KAT6A: variants seen among roughly 807,000 people sequenced by gnomAD.
KAT6A encodes the protein lysine acetyltransferase 6A.
Under a neutral mutation model 198.4 loss-of-function variants are expected in KAT6A, and 9 were observed. The observed-to-expected ratio is 0.05, with a 90% CI of 0.03 to 0.08. KAT6A has a LOEUF of 0.08. Ranked by LOEUF, KAT6A falls within the 10% of genes least tolerant of loss-of-function variation. KAT6A has a pLI of 1.00. For missense variants in KAT6A, 2,077 were observed against 2,509.9 expected (o/e 0.83, Z 3.69); for synonymous variants, 890 against 883.0 (o/e 1.01, Z -0.14).
At chr8:42,032,783 G>C (rs1270418552) in intron 2 of KAT6A, among the ~76,000 whole-genome samples, 1 of 151,100 alleles carries the variant, frequency 6.6e-6, no homozygotes, top group Non-Finnish European at 1.5e-5. Flanking sequence ...CTAAAAAAGT[G>C]ACAACAGTTG....
At chr8:41,985,634 C>G (rs1425823967) in intron 3 of KAT6A, among the ~76,000 whole-genome samples, 4 of 152,192 alleles carry the variant, frequency 2.6e-5, no homozygotes, top group Non-Finnish European at 5.9e-5. Flanking sequence ...GGACTCCCCC[C>G]TGCTTGCACC....
intron 11 of KAT6A, 97 bp from the exon 12 acceptor site, chr8:41,946,781 C>T (rs1587727220): frequency 1.4e-6 from 1 of 720,296 alleles, no homozygotes; most frequent in East Asian, 2.7e-5. Flanking sequence ...AAACCCACAG[C>T]CCTGGTCCTT....
At chr8:41,941,547 A>T in intron 14 of KAT6A, 103 bp from the exon 15 acceptor site, 3 of 1,197,962 alleles carry the variant, frequency 2.5e-6, no homozygotes, top group Non-Finnish European at 3.4e-6. Context: ...AAGGAAACTG[A>T]GCTTTAAAAA....
At chr8:41,952,995 T>A (rs1044752131) in intron 9 of KAT6A, among the ~76,000 whole-genome samples, 3 of 152,184 alleles carry the variant, frequency 2.0e-5, no homozygotes, top group Admixed American at 6.5e-5. Context: ...CTTAAGGAAG[T>A]TGATGAATTT....
In KAT6A at chr8:41,932,574, A is replaced by G. The variant is rs755646457; in HGVS notation, c.5646T>C (p.Val1882=). 1.2e-6 allele frequency: 2 copies of G among 1,614,246 alleles called. No individual in the cohort carries two copies. The highest frequency in any genetic ancestry group is 1.1e-5 in the South Asian group (1 of 91,082). The change falls in exon 17 of 17, where the codon GTT becomes GTC. Residue 1882 remains valine (V), a synonymous_variant. Coordinates refer to ENST00000265713, the MANE Select transcript of KAT6A (RefSeq NM_006766.5). ...QQLYGRSPSA[V]AMQAGPRALA... is the part of the protein sequence containing the mutation. ...GTGCGCGAGGGCCAGCCTGCATGGC[A>G]ACTGCCGATGGGCTACGGCCATACA...
At chr8:41,960,463 C>T (rs554262782) in intron 8 of KAT6A, among the ~76,000 whole-genome samples, 37 of 145,490 alleles carry the variant, frequency 2.5e-4, no homozygotes, top group South Asian at 1.3e-3. Context: ...GCCAAGATGA[C>T]GCCGCTGTAC....
At chr8:41,954,661 GAAGT>G (rs1412055219) in intron 9 of KAT6A, among the ~76,000 whole-genome samples, 9 of 152,104 alleles carry the variant, frequency 5.9e-5, no homozygotes, top group South Asian at 2.1e-4. Context: ...ATATCCCCAC[GAAGT>G]AAGTACTATT....
intron 2 of KAT6A, among the ~76,000 whole-genome samples, chr8:42,019,270 C>A (rs1826415456): frequency 6.6e-6 from 1 of 152,102 alleles, no homozygotes; most frequent in South Asian, 2.1e-4. Context: ...TTTTTATATA[C>A]AACTCCAAGA....
chr8:41,975,518 G>A (rs1364452890), intron 7 of KAT6A, among the ~76,000 whole-genome samples: 1 of 152,136 alleles, frequency 6.6e-6, no homozygotes, highest in African/African-American at 2.4e-5. Context: ...ATTGGTGACA[G>A]TTCTCAAGTC....
At chr8:41,950,141 A>C (rs1241577878) in intron 9 of KAT6A, among the ~76,000 whole-genome samples, 1 of 152,214 alleles carries the variant, frequency 6.6e-6, no homozygotes, top group Admixed American at 6.5e-5. Flanking sequence ...TAGAGTCAAG[A>C]AGCAGGAGCT....
At chr8:41,939,003 A>G (rs77717319) in intron 15 of KAT6A, among the ~76,000 whole-genome samples, 15,475 of 151,230 alleles carry the variant, frequency 0.1, 1,036 homozygotes, top group East Asian at 0.24. Context: ...GAGGGAAACT[A>G]AAAGAAGGAG....
At position 41,946,581 on chromosome 8, in the gene KAT6A, T is replaced by C. The variant is rs750972306; in HGVS notation, c.1996+10A>G. On this transcript the variant is annotated intron_variant, in intron 12 of 16. Coordinates refer to ENST00000265713, the MANE Select transcript of KAT6A (RefSeq NM_006766.5). ...GGAAAAGACCAATGAGAAATTAATA[T>C]AATCCTTACTGAAATCGATGAGAAA... The C allele has an allele frequency of 7.0e-7, 1 of 1,430,618 alleles. No homozygotes were observed. Among genetic ancestry groups the C allele is most frequent in the Non-Finnish European group, 9.8e-7 (1 of 1,015,268 alleles). The allele number at this position is 1,430,618 out of a possible 1,614,324, so 88.6% of individuals were successfully genotyped here.
At chr8:41,944,791 A>T (rs6474374) in intron 12 of KAT6A, among the ~76,000 whole-genome samples, 3,326 of 152,310 alleles carry the variant, frequency 0.022, 117 homozygotes, top group African/African-American at 0.076. Flanking sequence ...CATATATAAC[A>T]TGTCTAATCA....
chr8:42,002,078 T>A (rs1379473195), intron 2 of KAT6A, among the ~76,000 whole-genome samples: 7 of 152,206 alleles, frequency 4.6e-5, no homozygotes, highest in Non-Finnish European at 1.0e-4. Flanking sequence ...GAGAACTTAA[T>A]CACAAGCACT....
intron 3 of KAT6A, among the ~76,000 whole-genome samples, chr8:41,982,563 C>T (rs1438399366): frequency 2.0e-5 from 3 of 152,176 alleles, no homozygotes; most frequent in Non-Finnish European, 2.9e-5. Context: ...AGTTTTAAGC[C>T]GCACACTGTT....
At chr8:41,937,702 AT>A in intron 15 of KAT6A, 134 bp from the exon 16 acceptor site, 1 of 651,548 alleles carries the variant, frequency 1.5e-6, no homozygotes, top group Non-Finnish European at 2.6e-6. Context: ...AATATTTTGA[AT>A]ATTATTTCAA....
At chr8:42,036,987 TTCTTCTG>T (rs1827411441) in intron 2 of KAT6A, among the ~76,000 whole-genome samples, 1 of 152,192 alleles carries the variant, frequency 6.6e-6, no homozygotes, top group African/African-American at 2.4e-5. Flanking sequence ...AAGTACCTGC[TTCTTCTG>T]TCTTCTGACT....
intron 6 of KAT6A, among the ~76,000 whole-genome samples, chr8:41,978,047 GC>G (rs1824152503): frequency 6.6e-6 from 1 of 152,256 alleles, no homozygotes; most frequent in African/African-American, 2.4e-5. Context: ...ACTGAATCTT[GC>G]CCCACCTCCT....
At chr8:41,997,891 C>A (rs1297418203) in intron 2 of KAT6A, among the ~76,000 whole-genome samples, 2 of 152,124 alleles carry the variant, frequency 1.3e-5, no homozygotes, top group Non-Finnish European at 2.9e-5. Flanking sequence ...CTGACAAGCA[C>A]TCTACTATAC....
Sources: allele counts gnomAD v4.1 joint callset (sites outside exome capture counted in the v4.1 genomes callset), GRCh38; gene constraint gnomAD v4.1.1; transcripts MANE v1.5; gene names NCBI Gene and HGNC (gene_info 2026-07-23, HGNC 2026-07-21).